Variants in GPR137C observed in about 807,000 individuals in gnomAD.
GPR137C encodes integral membrane protein GPR137C.
Under a neutral mutation model 43.4 loss-of-function variants are expected in GPR137C, and 27 were observed. The ratio of observed to expected loss-of-function variants is 0.62; its 90% CI spans 0.46 to 0.86. The LOEUF (loss-of-function observed/expected upper bound fraction) is 0.86. Among genes scored for constraint, GPR137C ranks in the 40% least tolerant of loss-of-function variants. The pLI is 0.00. For synonymous variants in GPR137C, 285 were observed against 226.9 expected, an observed-to-expected ratio of 1.26 and a Z score of -2.30; for missense variants, 522 against 534.6, an observed-to-expected ratio of 0.98 and a Z score of 0.23.
chr14:52,554,161 G>C (rs901763567), intron 1 of GPR137C, among the ~76,000 whole-genome samples: 1 of 152,208 alleles, frequency 6.6e-6, no homozygotes, highest in African/African-American at 2.4e-5. Context: ...TTCCCCAGCA[G>C]GGTTGATGAT....
At chr14:52,577,775 C>T (rs2038583912) in intron 1 of GPR137C, among the ~76,000 whole-genome samples, 1 of 127,588 alleles carries the variant, frequency 7.8e-6, no homozygotes, top group Non-Finnish European at 1.6e-5. Context: ...CCAGCCTGGG[C>T]AACATAGCAA....
chr14:52,564,294 C>G (rs905235849), intron 1 of GPR137C, among the ~76,000 whole-genome samples: 1 of 125,444 alleles, frequency 8.0e-6, no homozygotes, highest in Non-Finnish European at 1.6e-5. Flanking sequence ...AAAAAAAAAG[C>G]CCCACTCCTA....
chr14:52,608,926 A>C (rs1443407444), intron 3 of GPR137C, among the ~76,000 whole-genome samples: 1 of 152,074 alleles, frequency 6.6e-6, no homozygotes, highest in East Asian at 1.9e-4. Context: ...ACTGACTCTG[A>C]TTGGTGACCT....
chr14:52,580,361 G>A (rs1252270958), intron 1 of GPR137C, among the ~76,000 whole-genome samples: 1 of 150,464 alleles, frequency 6.6e-6, no homozygotes, highest in Non-Finnish European at 1.5e-5. Flanking sequence ...GAGACTAAAA[G>A]AAAAAAAAAT....
intron 3 of GPR137C, among the ~76,000 whole-genome samples, chr14:52,610,504 T>C (rs2039027236): frequency 6.6e-6 from 1 of 152,234 alleles, no homozygotes; most frequent in Non-Finnish European, 1.5e-5. Flanking sequence ...GTTATAATTA[T>C]TCCATTTATT....
intron 3 of GPR137C, among the ~76,000 whole-genome samples, chr14:52,602,219 T>C (rs943632510): frequency 6.6e-6 from 1 of 151,930 alleles, no homozygotes; most frequent in African/African-American, 2.4e-5. Context: ...GACTTTTGAC[T>C]TCTATAACAG....
chr14:52,632,022 T>A, intron 3 of GPR137C, 138 bp from the exon 4 acceptor site: 1 of 558,854 alleles, frequency 1.8e-6, no homozygotes, highest in South Asian at 2.7e-5. Flanking sequence ...AAAAGCAAGA[T>A]AATCAAGAGT....
rs1453631224 is a variant in GPR137C, at chr14:52,553,323, C to T, written c.176C>T (p.Ala59Val). Residue 59 changes from alanine to valine, a missense_variant, in exon 1 of 7, where the codon GCG becomes GTG. Physicochemically the swap from Ala to Val is moderately conservative, Grantham distance 64. This residue lies in a region of GPR137C where 437 missense variants were observed against 425.7 expected (regional missense o/e 1.03). Coordinates refer to ENST00000321662, the MANE Select transcript of GPR137C (RefSeq NM_001099652.2). ...GTCCTGCACGCCCTGCTCTACGCCG[C>T]GCTGTTCGCCTTTGCCTACCTGCAG... ...LSVLHALLYA[A>V]LFAFAYLQLW... 6 of 1,590,112 alleles carry T rather than the reference C, an allele frequency of 3.8e-6. No homozygotes were observed. The African/African-American group carries it at 4.0e-5, about 11-fold the overall frequency.
intron 1 of GPR137C, among the ~76,000 whole-genome samples, chr14:52,571,635 T>C (rs2038470666): frequency 6.6e-6 from 1 of 151,978 alleles, no homozygotes; most frequent in Admixed American, 6.6e-5. Flanking sequence ...GATTGCGCCA[T>C]TGCACTCCAG....
rs75777208 is a variant in GPR137C, at chr14:52,614,892, T to G, written c.717+14551T>G. 6.0e-3 allele frequency among the ~76,000 whole-genome samples: 919 copies of G among 152,314 alleles called. 10 individuals carry two copies. The highest frequency in any genetic ancestry group is 0.021 in the African/African-American group (861 of 41,560). ...TCAGATGAGTAGTTTGCAAATGTTT[T>G]TTTCCATTCTGTGGGTTGTCTCTTC... is the stretch of plus-strand genomic sequence containing the variant. On this transcript the variant is annotated intron_variant, in intron 3 of 6. Transcript: ENST00000321662.
intron 2 of GPR137C, 113 bp downstream of exon 2, chr14:52,598,428 G>T (rs2038883340): frequency 2.2e-6 from 1 of 451,294 alleles, no homozygotes; most frequent in Non-Finnish European, 4.0e-6. Flanking sequence ...GACTTCTCGT[G>T]GTAGAAGGGA....
chr14:52,611,811 A>T (rs1207808614), intron 3 of GPR137C: 1 of 503,206 alleles, frequency 2.0e-6, no homozygotes, highest in Non-Finnish European at 2.6e-6. Flanking sequence ...AAGATAAAGT[A>T]TAGTAATCAT....
At chr14:52,584,385 C>T (rs189546370) in intron 1 of GPR137C, among the ~76,000 whole-genome samples, 28 of 152,250 alleles carry the variant, frequency 1.8e-4, no homozygotes, top group Middle Eastern at 3.4e-3. Flanking sequence ...GGTTACCCCT[C>T]GTCACAAGGA....
chr14:52,574,205 A>G (rs926915392), intron 1 of GPR137C, among the ~76,000 whole-genome samples: 1 of 152,180 alleles, frequency 6.6e-6, no homozygotes, highest in Non-Finnish European at 1.5e-5. Context: ...TGACCTAGCA[A>G]TCCCATTACT....
intron 3 of GPR137C, among the ~76,000 whole-genome samples, chr14:52,627,425 A>G (rs1043151042): frequency 1.3e-5 from 2 of 152,176 alleles, no homozygotes; most frequent in African/African-American, 4.8e-5. Context: ...ATTGAAATTG[A>G]CAGGTTGGCA....
intron 1 of GPR137C, among the ~76,000 whole-genome samples, chr14:52,554,102 A>G (rs1566598120): frequency 6.6e-6 from 1 of 152,316 alleles, no homozygotes; most frequent in Non-Finnish European, 1.5e-5. Flanking sequence ...TCCCTCCTGC[A>G]TCTCCTTTCC....
chr14:52,633,235 T>G (rs1377024175), intron 4 of GPR137C, among the ~76,000 whole-genome samples: 1 of 152,118 alleles, frequency 6.6e-6, no homozygotes, highest in Non-Finnish European at 1.5e-5. Context: ...TCACTCTCTT[T>G]AGATTATGGG....
At chr14:52,564,488 C>A (rs1242553885) in intron 1 of GPR137C, among the ~76,000 whole-genome samples, 1 of 152,082 alleles carries the variant, frequency 6.6e-6, no homozygotes, top group Non-Finnish European at 1.5e-5. Flanking sequence ...ATTCCATATT[C>A]TTTTCCTGCT....
chr14:52,567,229 A>G (rs565339535), intron 1 of GPR137C, among the ~76,000 whole-genome samples: 1 of 152,350 alleles, frequency 6.6e-6, no homozygotes, highest in South Asian at 2.1e-4. Context: ...TCTCTGTATC[A>G]TAGTTTCTCC....
Sources: gnomAD v4.1 joint callset for allele counts (sites outside exome capture counted in the v4.1 genomes callset) on GRCh38, gnomAD v4.1.1 for gene constraint, gnomAD v4.1.1 regional missense constraint, MANE v1.5 for transcripts, NCBI Gene and HGNC (gene_info 2026-07-23, HGNC 2026-07-21) for gene names.